The following EYA4 variants were observed in gnomAD, a reference collection of about 807,000 sequenced individuals.
The protein encoded by EYA4 is protein phosphatase EYA4.
A neutral mutation model predicts 87.9 loss-of-function variants in EYA4; 31 were observed. The observed-to-expected ratio is 0.35, with a 90% CI of 0.27 to 0.48. The LOEUF (loss-of-function observed/expected upper bound fraction) is 0.48, where lower values mean the gene tolerates loss of function less well. Ranked by LOEUF, EYA4 falls within the 20% of genes least tolerant of loss-of-function variation. The pLI, the probability that EYA4 is intolerant of heterozygous loss-of-function variation, is 0.99. For synonymous variants in EYA4, 263 were observed against 270.6 expected (o/e 0.97, Z 0.28); for missense variants, 678 against 761.4 (o/e 0.89, Z 1.29).
At chr6:133,420,599 G>T (rs1381482564) in intron 3 of EYA4, among the ~76,000 whole-genome samples, 1 of 152,194 alleles carries the variant, frequency 6.6e-6, no homozygotes, top group East Asian at 1.9e-4. Context: ...GACTCTGACA[G>T]CAGGCTCTTG....
At chr6:133,485,451 A>G (rs930728422) in intron 13 of EYA4, among the ~76,000 whole-genome samples, 1 of 152,188 alleles carries the variant, frequency 6.6e-6, no homozygotes, top group Admixed American at 6.5e-5. Flanking sequence ...ATGAGGAAAC[A>G]TATCCAGAGA....
intron 2 of EYA4, among the ~76,000 whole-genome samples, chr6:133,378,806 TC>T (rs1444530662): frequency 6.6e-6 from 1 of 152,074 alleles, no homozygotes; most frequent in East Asian, 1.9e-4. Context: ...TAACTCTTTT[TC>T]ATGGTGCTTG....
At position 133,516,722 on chromosome 6, in the gene EYA4, C is replaced by CA. The variant is rs58268978; in HGVS notation, c.1616+1301dup. Among the ~76,000 whole-genome samples the CA allele has an allele frequency of 7.2e-3, 880 of 122,808 alleles. 8 individuals are homozygous for CA. The highest frequency in any genetic ancestry group is 0.018 in the Middle Eastern group (4 of 226). 80.6% of individuals were successfully genotyped at this position (122,808 alleles called of 152,430 possible). A position where few individuals can be genotyped will look rare whatever the true frequency, so the allele number is the denominator to read the frequency against. Reference sequence around the variant, plus strand: ...CTGGAGACAGAGCAAGACTCTGTCTCAAAAAAAAAAAAAAGTAAAGAAAAG... The same window carrying CA: ...CTGGAGACAGAGCAAGACTCTGTCTCAAAAAAAAAAAAAAAGTAAAGAAAAG... On this transcript the variant is annotated intron_variant, in intron 17 of 19. Transcript: ENST00000355286.
At chr6:133,245,916 C>T (rs532714456) in intron 1 of EYA4, among the ~76,000 whole-genome samples, 14 of 152,078 alleles carry the variant, frequency 9.2e-5, no homozygotes, top group Non-Finnish European at 1.3e-4. Flanking sequence ...TGTCATTTTA[C>T]GCTTGAAATT....
chr6:133,348,287 T>A, intron 2 of EYA4, among the ~76,000 whole-genome samples: 1 of 132,316 alleles, frequency 7.6e-6, no homozygotes, highest in Non-Finnish European at 1.7e-5. Flanking sequence ...TTTTTTTTTT[T>A]TTTGGAGACA....
chr6:133,325,934 C>T (rs529074069), intron 2 of EYA4, among the ~76,000 whole-genome samples: 3 of 152,304 alleles, frequency 2.0e-5, no homozygotes, highest in Non-Finnish European at 2.9e-5. Context: ...ATTAGCTACC[C>T]GTCTTGGGGT....
chr6:133,304,522 T>A (rs976323184), intron 2 of EYA4, among the ~76,000 whole-genome samples: 3 of 152,126 alleles, frequency 2.0e-5, no homozygotes, highest in Admixed American at 6.5e-5. Flanking sequence ...GAGGTACAGA[T>A]AAGGATTCTC....
At chr6:133,395,054 C>T (rs1009746466) in intron 3 of EYA4, among the ~76,000 whole-genome samples, 8 of 152,208 alleles carry the variant, frequency 5.3e-5, no homozygotes, top group African/African-American at 1.7e-4. Flanking sequence ...TATTTATTTA[C>T]AAAATGATCC....
At chr6:133,247,632 G>C (rs1774520090) in intron 1 of EYA4, 1 of 152,156 alleles carries the variant, frequency 6.6e-6, no homozygotes, top group Non-Finnish European at 1.5e-5. Flanking sequence ...CAATTTTATA[G>C]TATTTTTCCA....
chr6:133,275,746 C>T (rs1230868207), intron 2 of EYA4, among the ~76,000 whole-genome samples: 1 of 151,940 alleles, frequency 6.6e-6, no homozygotes, highest in Non-Finnish European at 1.5e-5. Context: ...GATTTGCTTT[C>T]TAGTGGATAT....
chr6:133,357,872 ATACT>A (rs1370153596), intron 2 of EYA4, among the ~76,000 whole-genome samples: 1 of 151,852 alleles, frequency 6.6e-6, no homozygotes, highest in Non-Finnish European at 1.5e-5. Context: ...TTTATATATA[ATACT>A]TATGTAATCA....
chr6:133,455,674 A>G (rs550998981), intron 5 of EYA4, among the ~76,000 whole-genome samples: 16 of 152,112 alleles, frequency 1.1e-4, no homozygotes, highest in African/African-American at 3.9e-4. Context: ...CATTCATTTC[A>G]CTTATGACCA....
intron 11 of EYA4, among the ~76,000 whole-genome samples, chr6:133,477,111 C>T (rs1795810893): frequency 6.6e-6 from 1 of 152,062 alleles, no homozygotes; most frequent in African/African-American, 2.4e-5. Flanking sequence ...TTTCCTGAGG[C>T]TTCCTCAGCC....
intron 17 of EYA4, among the ~76,000 whole-genome samples, chr6:133,519,841 A>G (rs1799952841): frequency 6.7e-6 from 1 of 150,252 alleles, no homozygotes; most frequent in East Asian, 1.9e-4. Context: ...CTGGTTCAAT[A>G]TATGCAAATC....
intron 17 of EYA4, among the ~76,000 whole-genome samples, chr6:133,521,434 A>G (rs1308184756): frequency 1.6e-4 from 23 of 140,766 alleles, no homozygotes; most frequent in Middle Eastern, 3.4e-3. Flanking sequence ...CACACCAGTT[A>G]GAATGGCAAT....
intron 3 of EYA4, among the ~76,000 whole-genome samples, chr6:133,444,582 A>C (rs1246330344): frequency 6.6e-6 from 1 of 152,186 alleles, no homozygotes; most frequent in Non-Finnish European, 1.5e-5. Context: ...AGCTAGTCTT[A>C]TGAGAGGCCC....
At chr6:133,385,440 T>TGTGTGAGA (rs1198712820) in intron 3 of EYA4, among the ~76,000 whole-genome samples, 14 of 103,964 alleles carry the variant, frequency 1.3e-4, no homozygotes, top group African/African-American at 4.9e-4. Context: ...TGTGTGTGTG[T>TGTGTGAGA]GAGAGAGAGA....
At chr6:133,271,157 G>C (rs1426409909) in intron 1 of EYA4, among the ~76,000 whole-genome samples, 1 of 152,114 alleles carries the variant, frequency 6.6e-6, no homozygotes, top group Non-Finnish European at 1.5e-5. Flanking sequence ...CTATGGGAGA[G>C]ACAGTGCCAT....
chr6:133,315,145 G>A (rs1780526778), intron 2 of EYA4, among the ~76,000 whole-genome samples: 1 of 152,160 alleles, frequency 6.6e-6, no homozygotes. Flanking sequence ...ATAAAGATCT[G>A]TGATTACTGA....
Sources: allele counts gnomAD v4.1 joint callset (sites outside exome capture counted in the v4.1 genomes callset), GRCh38; gene constraint gnomAD v4.1.1; transcripts MANE v1.5; gene names NCBI Gene and HGNC (gene_info 2026-07-23, HGNC 2026-07-21).